TMEM132C: variants seen among roughly 807,000 people sequenced by gnomAD.
TMEM132C encodes transmembrane protein 132C.
A neutral mutation model predicts 61.4 loss-of-function variants in TMEM132C; 29 were observed. That is an observed-to-expected ratio of 0.47 (90% CI 0.35 to 0.64). The LOEUF (loss-of-function observed/expected upper bound fraction) is 0.64, where lower values mean the gene tolerates loss of function less well. TMEM132C is among the 30% of genes least tolerant of loss of function. The pLI is 0.00. For missense variants in TMEM132C, 1,408 were observed against 1,476.9 expected, an observed-to-expected ratio of 0.95 and a Z score of 0.76; for synonymous variants, 656 against 633.1, an observed-to-expected ratio of 1.04 and a Z score of -0.54.
chr12:128,357,514 G>GTGAAACCC (rs1219653124), intron 1 of TMEM132C, among the ~76,000 whole-genome samples: 1 of 152,032 alleles, frequency 6.6e-6, no homozygotes, highest in Non-Finnish European at 1.5e-5. Context: ...GACGAACATG[G>GTGAAACCC]TGAAACCCTG....
chr12:128,513,340 A>G (rs975378983), intron 2 of TMEM132C, among the ~76,000 whole-genome samples: 7 of 152,102 alleles, frequency 4.6e-5, no homozygotes, highest in African/African-American at 1.7e-4. Context: ...GAGTCAGGAG[A>G]CAAGCTGTGC....
rs182371668 is a variant in TMEM132C at position 128,348,288 on chromosome 12, G to T, written c.86-66444G>T. Among the ~76,000 whole-genome samples, 5 of 152,300 alleles carry T rather than the reference G, an allele frequency of 3.3e-5. No homozygotes were observed. The East Asian group carries it at 9.7e-4, about 29-fold the overall frequency. The stretch of plus-strand genomic sequence containing the variant: ...TTGATGCCTGCATATTGTGTATCCT[G>T]TAACTCTACTGAATTCAAGTGTAAG... On this transcript the variant is annotated intron_variant, in intron 1 of 8. Coordinates refer to ENST00000435159, the MANE Select transcript of TMEM132C (RefSeq NM_001136103.3).
At chr12:128,613,761 A>T (rs1876711636) in intron 3 of TMEM132C, among the ~76,000 whole-genome samples, 1 of 152,110 alleles carries the variant, frequency 6.6e-6, no homozygotes, top group South Asian at 2.1e-4. Flanking sequence ...ACTGAGGGTG[A>T]TGTGGTGGAG....
intron 1 of TMEM132C, among the ~76,000 whole-genome samples, chr12:128,311,652 G>A (rs1174033194): frequency 1.3e-5 from 2 of 152,208 alleles, no homozygotes; most frequent in Non-Finnish European, 2.9e-5. Flanking sequence ...CTTCGTGCAA[G>A]AAACGTGGCA....
At chr12:128,600,666 C>T (rs1593115352) in intron 3 of TMEM132C, among the ~76,000 whole-genome samples, 1 of 152,152 alleles carries the variant, frequency 6.6e-6, no homozygotes, top group African/African-American at 2.4e-5. Flanking sequence ...TCAGTCTCCT[C>T]GCGTGTCTTT....
intron 2 of TMEM132C, among the ~76,000 whole-genome samples, chr12:128,519,866 C>G (rs1872841421): frequency 6.6e-6 from 1 of 152,190 alleles, no homozygotes; most frequent in African/African-American, 2.4e-5. Flanking sequence ...TCCGATGTTG[C>G]CTGTGCGGCC....
chr12:128,429,121 G>A (rs1187577353), intron 2 of TMEM132C, among the ~76,000 whole-genome samples: 2 of 152,080 alleles, frequency 1.3e-5, no homozygotes, highest in East Asian at 3.9e-4. Context: ...GGTAAGACAG[G>A]TTTTTCAACA....
chr12:128,422,926 A>G (rs961003579), intron 2 of TMEM132C, among the ~76,000 whole-genome samples: 2 of 152,152 alleles, frequency 1.3e-5, no homozygotes, highest in African/African-American at 4.8e-5. Context: ...GAGAATAGAG[A>G]TATCTGGGTG....
chr12:128,320,361 T>G (rs1374040708), intron 1 of TMEM132C, among the ~76,000 whole-genome samples: 2 of 152,230 alleles, frequency 1.3e-5, no homozygotes, highest in Admixed American at 1.3e-4. Context: ...CATAGCTGTT[T>G]CTTGAATTAT....
intron 2 of TMEM132C, among the ~76,000 whole-genome samples, chr12:128,478,831 C>T (rs1337330798): frequency 1.3e-5 from 2 of 152,196 alleles, no homozygotes; most frequent in South Asian, 2.1e-4. Context: ...AGAGATCTCA[C>T]GACAGCGCCT....
chr12:128,354,969 G>C (rs576929160), intron 1 of TMEM132C, among the ~76,000 whole-genome samples: 1 of 152,300 alleles, frequency 6.6e-6, no homozygotes, highest in East Asian at 1.9e-4. Flanking sequence ...CTACCTAAGA[G>C]AATCACTGCA....
At chr12:128,687,791 G>A (rs533091344) in intron 5 of TMEM132C, among the ~76,000 whole-genome samples, 2 of 152,350 alleles carry the variant, frequency 1.3e-5, no homozygotes, top group South Asian at 4.1e-4. Context: ...GGCAACTGTT[G>A]AGAAGAGGCC....
At chr12:128,591,539 A>C (rs570524580) in intron 3 of TMEM132C, among the ~76,000 whole-genome samples, 1 of 152,122 alleles carries the variant, frequency 6.6e-6, no homozygotes, top group Non-Finnish European at 1.5e-5. Flanking sequence ...TTTATGAATA[A>C]ATGCTGCTAG....
intron 2 of TMEM132C, among the ~76,000 whole-genome samples, chr12:128,492,139 T>A (rs1327974100): frequency 6.6e-6 from 1 of 152,146 alleles, no homozygotes; most frequent in Non-Finnish European, 1.5e-5. Flanking sequence ...CTGAGAATGA[T>A]GGTTTCCAGC....
At chr12:128,497,917 C>T (rs1872025609) in intron 2 of TMEM132C, among the ~76,000 whole-genome samples, 1 of 152,168 alleles carries the variant, frequency 6.6e-6, no homozygotes. Context: ...TTCTGCATCG[C>T]TCATGCTGGG....
chr12:128,508,158 C>A (rs887109242), intron 2 of TMEM132C, among the ~76,000 whole-genome samples: 1 of 152,132 alleles, frequency 6.6e-6, no homozygotes, highest in Non-Finnish European at 1.5e-5. Context: ...CTGGGGAGGC[C>A]TCACGATCAT....
intron 2 of TMEM132C, among the ~76,000 whole-genome samples, chr12:128,456,328 T>C (rs1043682113): frequency 1.4e-5 from 2 of 147,794 alleles, no homozygotes; most frequent in African/African-American, 2.4e-5. Context: ...ATTTACTACA[T>C]TAAATTGCAC....
rs1334282542 is a variant in TMEM132C at position 128,706,027 on chromosome 12, A to G, written c.3059A>G (p.His1020Arg). Residue 1020 changes from histidine (H) to arginine (R), a missense_variant, in exon 9 of 9, where the codon CAC becomes CGC. His to Arg is a conservative substitution (Grantham distance 29). Coordinates refer to ENST00000435159, the MANE Select transcript of TMEM132C (RefSeq NM_001136103.3). The stretch of plus-strand genomic sequence containing the variant: ...CTGCTCAATGGTGGCTCCCACAAGC[A>G]CGTGCAGAGCCAGATTCACAGGTCA... The part of the protein sequence containing the change: ...HLLLNGGSHK[H>R]VQSQIHRSAD... The G allele has an allele frequency of 2.4e-5, 38 of 1,551,636 alleles. No individual in the cohort carries two copies. Among genetic ancestry groups the G allele is most frequent in the Non-Finnish European group, 3.3e-5 (38 of 1,147,016 alleles).
chr12:128,313,205 A>G (rs568444603), intron 1 of TMEM132C, among the ~76,000 whole-genome samples: 8 of 152,320 alleles, frequency 5.3e-5, no homozygotes, highest in African/African-American at 1.7e-4. Context: ...CCAGGGATCC[A>G]CTTTGTCAGT....
Sources: allele counts gnomAD v4.1 joint callset (sites outside exome capture counted in the v4.1 genomes callset), GRCh38; gene constraint gnomAD v4.1.1; transcripts MANE v1.5; gene names NCBI Gene and HGNC (gene_info 2026-07-23, HGNC 2026-07-21).